STAG1: variants seen among roughly 807,000 people sequenced by gnomAD.
The protein encoded by STAG1 is cohesin subunit SA-1.
In STAG1, 26 loss-of-function variants were observed where a neutral mutation model predicts 170.9. The observed-to-expected ratio is 0.15, with a 90% CI of 0.11 to 0.21. STAG1 has a LOEUF of 0.21. Ranked by LOEUF, STAG1 falls within the 10% of genes least tolerant of loss-of-function variation. The probability of loss-of-function intolerance (pLI) is 1.00; values close to 1 mark genes in which losing one functional copy is unlikely to be tolerated. For missense variants in STAG1, 964 were observed against 1,509.5 expected (o/e 0.64, Z 5.99); for synonymous variants, 514 against 497.7 (o/e 1.03, Z -0.44).
intron 21 of STAG1, among the ~76,000 whole-genome samples, chr3:136,415,188 G>C (rs2087736249): frequency 6.6e-6 from 1 of 151,932 alleles, no homozygotes; most frequent in African/African-American, 2.4e-5. Flanking sequence ...TTGATGCAGG[G>C]TTGCCACAAA....
intron 24 of STAG1, among the ~76,000 whole-genome samples, chr3:136,368,018 G>A (rs1314801296): frequency 1.3e-5 from 2 of 151,944 alleles, no homozygotes; most frequent in Non-Finnish European, 2.9e-5. Flanking sequence ...GTATAGATTC[G>A]CAAAAAGAAC....
chr3:136,545,971 G>A (rs1057393840), intron 5 of STAG1, among the ~76,000 whole-genome samples: 1 of 152,112 alleles, frequency 6.6e-6, no homozygotes, highest in Non-Finnish European at 1.5e-5. Context: ...CATAACATGT[G>A]AGTACCGGTT....
intron 9 of STAG1, among the ~76,000 whole-genome samples, chr3:136,492,794 G>C (rs892022453): frequency 2.6e-5 from 4 of 152,182 alleles, no homozygotes; most frequent in African/African-American, 4.8e-5. Flanking sequence ...TAACAAGAAA[G>C]TAAATTAGAA....
chr3:136,692,976 G>T (rs1159195416), intron 1 of STAG1, among the ~76,000 whole-genome samples: 1 of 152,200 alleles, frequency 6.6e-6, no homozygotes, highest in Non-Finnish European at 1.5e-5. Flanking sequence ...AGCCAGCAGA[G>T]ATGTCTTCGG....
intron 23 of STAG1, among the ~76,000 whole-genome samples, chr3:136,376,513 A>G (rs1937614836): frequency 6.6e-6 from 1 of 152,048 alleles, no homozygotes; most frequent in South Asian, 2.1e-4. Context: ...GGGACTCAGA[A>G]ACTCCTTGCC....
intron 16 of STAG1, among the ~76,000 whole-genome samples, chr3:136,428,477 G>A (rs1297675551): frequency 2.0e-5 from 3 of 152,106 alleles, no homozygotes; most frequent in Non-Finnish European, 4.4e-5. Flanking sequence ...GCATCAAAAT[G>A]GTCTACTTGC....
intron 7 of STAG1, among the ~76,000 whole-genome samples, chr3:136,516,516 CATTAAAAAAAAGCAAAAGAAAAGAAA>C (rs1325981054): frequency 6.6e-6 from 1 of 151,814 alleles, no homozygotes; most frequent in Non-Finnish European, 1.5e-5. Flanking sequence ...AATAAACATA[CATTAAAAAAAAGCAAAAGAAAAGAAA>C]ATGCATGCTG....
chr3:136,357,656 C>CA, intron 28 of STAG1, 64 bp downstream of exon 28: 1 of 1,356,472 alleles, frequency 7.4e-7, no homozygotes, highest in Non-Finnish European at 9.9e-7. Flanking sequence ...AAAAATTTTT[C>CA]AAAAAATAAA....
intron 7 of STAG1, among the ~76,000 whole-genome samples, chr3:136,511,403 C>T (rs1934056931): frequency 6.6e-6 from 1 of 152,176 alleles, no homozygotes; most frequent in African/African-American, 2.4e-5. Context: ...ACCTTAATGC[C>T]CAGCAATGGT....
intron 6 of STAG1, among the ~76,000 whole-genome samples, chr3:136,527,250 C>G (rs1165213265): frequency 6.6e-6 from 1 of 152,222 alleles, no homozygotes; most frequent in East Asian, 1.9e-4. Flanking sequence ...TAGATTTGGT[C>G]TTTCACCATA....
intron 28 of STAG1, among the ~76,000 whole-genome samples, chr3:136,353,113 A>G (rs1367064248): frequency 6.6e-6 from 1 of 152,208 alleles, no homozygotes; most frequent in African/African-American, 2.4e-5. Flanking sequence ...ATTTGAGCTG[A>G]CAAAAGCAAG....
intron 21 of STAG1, among the ~76,000 whole-genome samples, chr3:136,411,448 G>T (rs1175346754): frequency 6.6e-6 from 1 of 152,090 alleles, no homozygotes; most frequent in Non-Finnish European, 1.5e-5. Context: ...AATATACCTT[G>T]ACTTTATTCT....
At chr3:136,583,793 G>T (rs1937668033) in intron 4 of STAG1, among the ~76,000 whole-genome samples, 1 of 151,972 alleles carries the variant, frequency 6.6e-6, no homozygotes, top group African/African-American at 2.4e-5. Context: ...TGTCTCTCAA[G>T]GAGATTTAAA....
At chr3:136,614,052 T>C (rs1459883895) in intron 3 of STAG1, among the ~76,000 whole-genome samples, 1 of 151,982 alleles carries the variant, frequency 6.6e-6, no homozygotes, top group Non-Finnish European at 1.5e-5. Flanking sequence ...CCGTCTACAC[T>C]AAAAATACAA....
chr3:136,409,163 C>T (rs1443646986), intron 21 of STAG1, among the ~76,000 whole-genome samples: 1 of 152,022 alleles, frequency 6.6e-6, no homozygotes, highest in Non-Finnish European at 1.5e-5. Flanking sequence ...ACTCGGGAGG[C>T]AGAGGCAGGA....
intron 12 of STAG1, among the ~76,000 whole-genome samples, chr3:136,467,932 G>A (rs1371055221): frequency 1.3e-5 from 2 of 152,152 alleles, no homozygotes; most frequent in African/African-American, 2.4e-5. Flanking sequence ...CGAAATGAAG[G>A]CAGTAATAAA....
chr3:136,661,213 T>C (rs1326001789), intron 1 of STAG1, among the ~76,000 whole-genome samples: 1 of 152,194 alleles, frequency 6.6e-6, no homozygotes, highest in Non-Finnish European at 1.5e-5. Flanking sequence ...CCCAACTAAC[T>C]CCTGTGTCCT....
At chr3:136,470,926 T>G (rs540357856) in intron 12 of STAG1, among the ~76,000 whole-genome samples, 1 of 145,356 alleles carries the variant, frequency 6.9e-6, no homozygotes, top group African/African-American at 2.6e-5. Context: ...AGGTGGGAAT[T>G]GAACAATGAG....
intron 29 of STAG1, among the ~76,000 whole-genome samples, chr3:136,348,307 T>TA (rs1936310912): frequency 6.6e-6 from 1 of 151,780 alleles, no homozygotes; most frequent in Non-Finnish European, 1.5e-5. Flanking sequence ...TTTTTTTTTT[T>TA]AACATATAGG....
Sources: gnomAD v4.1 joint callset for allele counts (sites outside exome capture counted in the v4.1 genomes callset) on GRCh38, gnomAD v4.1.1 for gene constraint, MANE v1.5 for transcripts, NCBI Gene and HGNC (gene_info 2026-07-23, HGNC 2026-07-21) for gene names.